Variants in PCDH9 observed in about 807,000 individuals in gnomAD.
The protein encoded by PCDH9 is protocadherin-9.
Under a neutral mutation model 70.6 loss-of-function variants are expected in PCDH9, and 24 were observed. The observed-to-expected ratio is 0.34, with a 90% CI of 0.25 to 0.48. The LOEUF (loss-of-function observed/expected upper bound fraction) is 0.48, where lower values mean the gene tolerates loss of function less well. Ranked by LOEUF, PCDH9 falls within the 20% of genes least tolerant of loss-of-function variation. The pLI is 0.99. For synonymous variants in PCDH9, 562 were observed against 558.5 expected (o/e 1.01, Z -0.09); for missense variants, 1,281 against 1,503.6 (o/e 0.85, Z 2.45).
chr13:66,875,924 C>T (rs531702128), intron 3 of PCDH9, among the ~76,000 whole-genome samples: 1 of 152,186 alleles, frequency 6.6e-6, no homozygotes, highest in South Asian at 2.1e-4. Context: ...TCCTGAAGTC[C>T]TACCCTTCTC....
intron 4 of PCDH9, among the ~76,000 whole-genome samples, chr13:66,585,473 C>T: frequency 6.6e-6 from 1 of 152,120 alleles, no homozygotes; most frequent in East Asian, 1.9e-4. Flanking sequence ...TGAGATTCAT[C>T]AAGTCTCCTT....
At chr13:66,456,942 A>G (rs756222152) in intron 4 of PCDH9, among the ~76,000 whole-genome samples, 8 of 152,148 alleles carry the variant, frequency 5.3e-5, no homozygotes, top group African/African-American at 1.7e-4. Flanking sequence ...GTAAAATATA[A>G]TAACTGTGTA....
intron 3 of PCDH9, among the ~76,000 whole-genome samples, chr13:66,819,406 A>G (rs2080669511): frequency 6.6e-6 from 1 of 151,922 alleles, no homozygotes; most frequent in Non-Finnish European, 1.5e-5. Context: ...GACCTTAGAG[A>G]AGGGCTTGGG....
At chr13:67,189,207 C>CGTGTGTGTGT (rs71110636) in intron 2 of PCDH9, among the ~76,000 whole-genome samples, 6 of 149,580 alleles carry the variant, frequency 4.0e-5, no homozygotes, top group Non-Finnish European at 1.5e-5. Context: ...TACATATATA[C>CGTGTGTGTGT]GTGTGTGTGT....
At chr13:66,963,822 A>G (rs1011936607) in intron 2 of PCDH9, among the ~76,000 whole-genome samples, 3 of 152,160 alleles carry the variant, frequency 2.0e-5, no homozygotes, top group Non-Finnish European at 2.9e-5. Flanking sequence ...CTAAAAGCAG[A>G]GAAACTTGTT....
At chr13:66,982,075 T>C (rs1285443159) in intron 2 of PCDH9, among the ~76,000 whole-genome samples, 1 of 152,126 alleles carries the variant, frequency 6.6e-6, no homozygotes, top group Non-Finnish European at 1.5e-5. Flanking sequence ...GATAGTGAGT[T>C]CTCCTGAGAT....
intron 3 of PCDH9, among the ~76,000 whole-genome samples, chr13:66,884,641 A>C (rs1157011734): frequency 6.6e-6 from 1 of 152,224 alleles, no homozygotes; most frequent in Non-Finnish European, 1.5e-5. Context: ...ACAGTTGGTC[A>C]GACCATAAAT....
chr13:67,109,499 A>C (rs1257038677), intron 2 of PCDH9, among the ~76,000 whole-genome samples: 1 of 152,186 alleles, frequency 6.6e-6, no homozygotes, highest in Non-Finnish European at 1.5e-5. Context: ...CATCTTCCCT[A>C]TTCATAAGCA....
At chr13:67,102,869 C>A (rs1345734986) in intron 2 of PCDH9, among the ~76,000 whole-genome samples, 2 of 152,004 alleles carry the variant, frequency 1.3e-5, no homozygotes, top group Non-Finnish European at 2.9e-5. Flanking sequence ...CAACAAAAAT[C>A]ACTAATTTAC....
At position 66,923,515 on chromosome 13, in the gene PCDH9, A is replaced by C. The variant is rs115682845; in HGVS notation, c.3037-19910T>G. Among the ~76,000 whole-genome samples, 609 of 151,802 alleles carry C rather than the reference A, an allele frequency of 4.0e-3. 6 individuals are homozygous for C. The highest frequency in any genetic ancestry group is 0.014 in the African/African-American group (561 of 41,508). ...TTAAAATATCCAGTTTAAAATAAAA[A>C]ATCTATCATCATAGGTAACATTGAT... On this transcript the variant is annotated intron_variant, in intron 2 of 4. Coordinates refer to ENST00000377865, the MANE Select transcript of PCDH9 (RefSeq NM_203487.3).
At chr13:66,635,229 C>A (rs1364429678) in intron 3 of PCDH9, among the ~76,000 whole-genome samples, 1 of 152,106 alleles carries the variant, frequency 6.6e-6, no homozygotes, top group East Asian at 1.9e-4. Flanking sequence ...TCCATTTTAT[C>A]CTGTGGGAAA....
intron 2 of PCDH9, among the ~76,000 whole-genome samples, chr13:67,056,762 G>C (rs2085427977): frequency 6.6e-6 from 1 of 152,088 alleles, no homozygotes; most frequent in South Asian, 2.1e-4. Flanking sequence ...TTAGCATAGT[G>C]CCTGGTACTT....
At chr13:67,158,006 C>T (rs981182679) in intron 2 of PCDH9, among the ~76,000 whole-genome samples, 3 of 152,072 alleles carry the variant, frequency 2.0e-5, no homozygotes, top group African/African-American at 2.4e-5. Flanking sequence ...TGAGATGGAG[C>T]GAGTTTAAAA....
At chr13:67,131,844 G>A (rs192472566) in intron 2 of PCDH9, among the ~76,000 whole-genome samples, 4 of 152,224 alleles carry the variant, frequency 2.6e-5, no homozygotes, top group Admixed American at 2.0e-4. Context: ...AGAGATGATG[G>A]ATTTATGTAT....
chr13:67,119,681 T>A (rs974417487), intron 2 of PCDH9, among the ~76,000 whole-genome samples: 9 of 152,146 alleles, frequency 5.9e-5, no homozygotes, highest in Non-Finnish European at 5.9e-5. Context: ...ACATAGGTAT[T>A]GATTGGCCAG....
intron 4 of PCDH9, among the ~76,000 whole-genome samples, chr13:66,522,111 C>G (rs961697219): frequency 1.3e-5 from 2 of 149,754 alleles, no homozygotes; most frequent in Non-Finnish European, 3.0e-5. Flanking sequence ...CAAATTTCCT[C>G]CTTTGGCTAT....
intron 2 of PCDH9, among the ~76,000 whole-genome samples, chr13:66,928,325 G>T (rs9571692): frequency 0.17 from 25,919 of 152,052 alleles, 2,630 homozygotes; most frequent in East Asian, 0.35. Context: ...CTTCTAGCAT[G>T]TATTTAGCAC....
At chr13:66,934,176 G>C (rs145950869) in intron 2 of PCDH9, among the ~76,000 whole-genome samples, 1 of 151,984 alleles carries the variant, frequency 6.6e-6, no homozygotes, top group Admixed American at 6.6e-5. Context: ...ATGGCATTGT[G>C]GTTATCTAAA....
At chr13:67,099,909 A>G (rs2086396959) in intron 2 of PCDH9, among the ~76,000 whole-genome samples, 1 of 152,250 alleles carries the variant, frequency 6.6e-6, no homozygotes, top group South Asian at 2.1e-4. Flanking sequence ...AGAGACAATG[A>G]AATATAATAA....
Sources: gnomAD v4.1 joint callset for allele counts (sites outside exome capture counted in the v4.1 genomes callset) on GRCh38, gnomAD v4.1.1 for gene constraint, MANE v1.5 for transcripts, NCBI Gene and HGNC (gene_info 2026-07-23, HGNC 2026-07-21) for gene names.